SLCO3A1: variants seen among roughly 807,000 people sequenced by gnomAD.
SLCO3A1 encodes PGE1 transporter.
In SLCO3A1, 27 loss-of-function variants were observed where a neutral mutation model predicts 63.1. The observed-to-expected ratio is 0.43, with a 90% CI of 0.32 to 0.59. The LOEUF is 0.59. Among genes scored for constraint, SLCO3A1 ranks in the 20% least tolerant of loss-of-function variants. The pLI is 0.09. For missense variants in SLCO3A1, 773 were observed against 945.8 expected, an observed-to-expected ratio of 0.82 and a Z score of 2.40; for synonymous variants, 473 against 409.9, an observed-to-expected ratio of 1.15 and a Z score of -1.86.
intron 2 of SLCO3A1, among the ~76,000 whole-genome samples, chr15:92,088,550 C>T (rs1334948599): frequency 1.3e-5 from 2 of 152,166 alleles, no homozygotes; most frequent in African/African-American, 2.4e-5. Context: ...TGTTATCTTA[C>T]GCTTCTGGAG....
chr15:92,118,193 A>G (rs1280445246), intron 4 of SLCO3A1, among the ~76,000 whole-genome samples: 1 of 152,128 alleles, frequency 6.6e-6, no homozygotes, highest in African/African-American at 2.4e-5. Flanking sequence ...TAAAAGTGTT[A>G]TTTTTATTTG....
chr15:92,103,822 A>G (rs1371527009), intron 3 of SLCO3A1, among the ~76,000 whole-genome samples: 3 of 152,016 alleles, frequency 2.0e-5, no homozygotes. Flanking sequence ...GCCTCCCCTT[A>G]TGAGCTGTGA....
rs1383824686 is a variant in SLCO3A1, at chr15:92,133,701, G to A, written c.1512+5212G>A. 7.6e-5 allele frequency among the ~76,000 whole-genome samples: 11 copies of A among 145,134 alleles called. 1 individual carries two copies. The highest frequency in any genetic ancestry group is 7.5e-4 in the Admixed American group (11 of 14,656). ...CATTGTCTCCCATCATCCCTAGATG[G>A]GACCGTCTAGTTACAGGAAAACAAG... On this transcript the variant is annotated intron_variant, in intron 7 of 9. Transcript: ENST00000318445.
At chr15:92,010,320 T>C (rs767029603) in intron 2 of SLCO3A1, among the ~76,000 whole-genome samples, 5 of 152,154 alleles carry the variant, frequency 3.3e-5, no homozygotes, top group Non-Finnish European at 5.9e-5. Context: ...TTGATAAAGC[T>C]CCCTTTTGGA....
chr15:91,877,562 AG>A (rs1897431687), intron 1 of SLCO3A1, among the ~76,000 whole-genome samples: 2 of 152,208 alleles, frequency 1.3e-5, no homozygotes, highest in South Asian at 4.1e-4. Context: ...TTCAAGTCAC[AG>A]AGGAGAAAAT....
intron 2 of SLCO3A1, among the ~76,000 whole-genome samples, chr15:91,997,039 C>G (rs1344327478): frequency 6.6e-6 from 1 of 152,076 alleles, no homozygotes; most frequent in African/African-American, 2.4e-5. Context: ...AAAAGTCTTC[C>G]AAATGGAAAA....
chr15:92,141,192 G>A (rs1464291948), intron 7 of SLCO3A1, among the ~76,000 whole-genome samples: 1 of 152,206 alleles, frequency 6.6e-6, no homozygotes, highest in African/African-American at 2.4e-5. Context: ...ACCTCTCGCA[G>A]AGGCAGCAGG....
chr15:91,990,398 C>T (rs985886604), intron 2 of SLCO3A1, among the ~76,000 whole-genome samples: 14 of 152,070 alleles, frequency 9.2e-5, no homozygotes, highest in African/African-American at 3.4e-4. Flanking sequence ...CTCTGGGAAG[C>T]CTGGTTTCCT....
intron 2 of SLCO3A1, among the ~76,000 whole-genome samples, chr15:92,025,112 A>G (rs2046555816): frequency 6.6e-6 from 1 of 150,878 alleles, no homozygotes; most frequent in African/African-American, 2.4e-5. Flanking sequence ...TTGAGAGAGA[A>G]TGATTACTGT....
chr15:92,166,585 C>A (rs765232396), downstream of SLCO3A1, among the ~76,000 whole-genome samples: 23 of 152,180 alleles, frequency 1.5e-4, no homozygotes, highest in Non-Finnish European at 2.8e-4. Flanking sequence ...GGCTTCCCAG[C>A]CCTTACAGTC....
At chr15:91,864,557 T>G (rs957693673) in intron 1 of SLCO3A1, among the ~76,000 whole-genome samples, 4 of 151,152 alleles carry the variant, frequency 2.6e-5, no homozygotes, top group Non-Finnish European at 4.4e-5. Flanking sequence ...CTATCCTTAA[T>G]GGAGTGAACA....
At chr15:92,019,177 G>C (rs180729309) in intron 2 of SLCO3A1, among the ~76,000 whole-genome samples, 1 of 152,270 alleles carries the variant, frequency 6.6e-6, no homozygotes, top group Non-Finnish European at 1.5e-5. Context: ...TGCAGGCAGA[G>C]GTTGTGTGTG....
intron 3 of SLCO3A1, among the ~76,000 whole-genome samples, chr15:92,095,585 A>G (rs942362750): frequency 6.6e-6 from 1 of 152,194 alleles, no homozygotes; most frequent in Admixed American, 6.5e-5. Flanking sequence ...TCCCCAATCC[A>G]TGATTGTGGG....
intron 2 of SLCO3A1, among the ~76,000 whole-genome samples, chr15:92,054,176 G>A (rs917828570): frequency 2.6e-5 from 4 of 152,156 alleles, no homozygotes; most frequent in African/African-American, 9.7e-5. Flanking sequence ...TCCCTTTGAC[G>A]TACCCCATCG....
intron 1 of SLCO3A1, among the ~76,000 whole-genome samples, chr15:91,874,128 AAATT>A (rs2151336900): frequency 6.6e-6 from 1 of 152,328 alleles, no homozygotes; most frequent in Non-Finnish European, 1.5e-5. Context: ...TTTAATTTAT[AAATT>A]AGGCACAGTA....
intron 2 of SLCO3A1, among the ~76,000 whole-genome samples, chr15:91,929,183 T>C (rs1899135763): frequency 6.6e-6 from 1 of 152,206 alleles, no homozygotes; most frequent in Non-Finnish European, 1.5e-5. Context: ...CGTGTCCACA[T>C]ACATGAACTG....
intron 1 of SLCO3A1, among the ~76,000 whole-genome samples, chr15:91,896,150 T>G (rs1172995910): frequency 1.3e-5 from 2 of 152,200 alleles, no homozygotes; most frequent in South Asian, 4.1e-4. Flanking sequence ...TAATGAAATA[T>G]CTGCAGTTCA....
chr15:91,962,215 C>T (rs1336686705), intron 2 of SLCO3A1, among the ~76,000 whole-genome samples: 1 of 152,126 alleles, frequency 6.6e-6, no homozygotes, highest in Non-Finnish European at 1.5e-5. Flanking sequence ...CACAGTGGCT[C>T]ACACCTGTAA....
chr15:92,100,233 CT>C (rs1269960700), intron 3 of SLCO3A1, among the ~76,000 whole-genome samples: 1 of 152,166 alleles, frequency 6.6e-6, no homozygotes, highest in African/African-American at 2.4e-5. Flanking sequence ...CTCTGCAACC[CT>C]TTTCTCCTGT....
Sources: allele counts gnomAD v4.1 joint callset (sites outside exome capture counted in the v4.1 genomes callset), GRCh38; gene constraint gnomAD v4.1.1; transcripts MANE v1.5; gene names NCBI Gene and HGNC (gene_info 2026-07-23, HGNC 2026-07-21).